ADGB: variants seen among roughly 807,000 people sequenced by gnomAD.
ADGB encodes the protein androglobin.
A neutral mutation model predicts 210.5 loss-of-function variants in ADGB; 172 were observed. That is an observed-to-expected ratio of 0.82 (90% CI 0.72 to 0.93). The LOEUF is 0.93. Ranked by LOEUF, ADGB falls within the 40% of genes least tolerant of loss-of-function variation. ADGB has a pLI of 0.00. For missense variants in ADGB, 2,025 were observed against 1,964.8 expected, an observed-to-expected ratio of 1.03 and a Z score of -0.58; for synonymous variants, 658 against 662.7, an observed-to-expected ratio of 0.99 and a Z score of 0.11.
At chr6:146,635,908 G>A (rs1026589250) in intron 2 of ADGB, among the ~76,000 whole-genome samples, 7 of 152,072 alleles carry the variant, frequency 4.6e-5, no homozygotes, top group East Asian at 3.9e-4. Context: ...AGCTGTGACC[G>A]GGAGATAATA....
chr6:146,616,857 C>G (rs1780808202), intron 1 of ADGB, among the ~76,000 whole-genome samples: 1 of 151,950 alleles, frequency 6.6e-6, no homozygotes, highest in African/African-American at 2.4e-5. Flanking sequence ...CTTTTGTAAT[C>G]TATTTTGAAG....
In ADGB at chr6:146,717,616, CT is replaced by C. The variant is rs1474665528; in HGVS notation, c.1992+21del. The C allele has an allele frequency of 6.1e-6, 8 of 1,309,514 alleles. No homozygotes were observed. Among genetic ancestry groups the C allele is most frequent in the Admixed American group, 2.8e-5 (1 of 36,228 alleles). 81.1% of individuals were successfully genotyped at this position (1,309,514 alleles called of 1,614,324 possible). A position where few individuals can be genotyped will look rare whatever the true frequency, so the allele number is the denominator to read the frequency against. On this transcript the variant is annotated intron_variant, in intron 16 of 35. Coordinates refer to ENST00000397944, the MANE Select transcript of ADGB (RefSeq NM_024694.4). ...GAATTTAAGGTAAGTATGTTAGAAT[CT>C]TTTCTATTCTCTTTAAATTTTTGGT...
At chr6:146,777,031 T>C (rs1352205844) in intron 29 of ADGB, among the ~76,000 whole-genome samples, 1 of 151,934 alleles carries the variant, frequency 6.6e-6, no homozygotes, top group East Asian at 1.9e-4. Context: ...TCCACTCCTA[T>C]AGAGCGCTCA....
chr6:146,768,276 A>G (rs1412173399), intron 28 of ADGB, among the ~76,000 whole-genome samples: 3 of 152,242 alleles, frequency 2.0e-5, no homozygotes, highest in African/African-American at 7.2e-5. Context: ...AATGAATAGC[A>G]ATTCACAAAT....
chr6:146,695,746 C>T (rs1776392985), intron 12 of ADGB, among the ~76,000 whole-genome samples: 1 of 151,848 alleles, frequency 6.6e-6, no homozygotes, highest in Non-Finnish European at 1.5e-5. Context: ...GAACAAGTGA[C>T]CTGTCCATAA....
intron 3 of ADGB, among the ~76,000 whole-genome samples, chr6:146,645,223 C>T (rs1775590574): frequency 6.6e-6 from 1 of 151,986 alleles, no homozygotes; most frequent in Non-Finnish European, 1.5e-5. Context: ...TCTGTTTTCT[C>T]TGGTGCTTAT....
intron 1 of ADGB, among the ~76,000 whole-genome samples, chr6:146,633,917 A>G (rs1781100406): frequency 6.6e-6 from 1 of 152,070 alleles, no homozygotes; most frequent in African/African-American, 2.4e-5. Context: ...TAAGTGTACA[A>G]TATTTATAAG....
intron 9 of ADGB, among the ~76,000 whole-genome samples, chr6:146,680,445 A>G (rs1002606462): frequency 1.3e-5 from 2 of 152,196 alleles, no homozygotes; most frequent in Non-Finnish European, 2.9e-5. Context: ...TATAGCAGCT[A>G]CAATTACCTC....
Position 146,736,603 on chromosome 6 carries a change from A to G in ADGB, c.2888+12A>G. On this transcript the variant is annotated intron_variant, in intron 23 of 35. Coordinates refer to ENST00000397944, the MANE Select transcript of ADGB (RefSeq NM_024694.4). ...GTTTCTCTCTTAAGGTAAAGCAGTC[A>G]AATGATATTTTTATTGCAGTATATT... 1 of 1,516,408 alleles carries G rather than the reference A, an allele frequency of 6.6e-7. No individual in the cohort carries two copies. Among genetic ancestry groups the G allele is most frequent in the Non-Finnish European group, 8.9e-7 (1 of 1,125,004 alleles). The allele number at this position is 1,516,408 out of a possible 1,614,324, so 93.9% of individuals were successfully genotyped here.
At chr6:146,677,017 G>A (rs1444916397) in intron 9 of ADGB, among the ~76,000 whole-genome samples, 3 of 152,136 alleles carry the variant, frequency 2.0e-5, no homozygotes, top group Non-Finnish European at 4.4e-5. Flanking sequence ...TTGTGAAAAT[G>A]CTAGGGTTTC....
chr6:146,643,528 T>C (rs1775550181), intron 2 of ADGB, among the ~76,000 whole-genome samples: 1 of 151,400 alleles, frequency 6.6e-6, no homozygotes, highest in Non-Finnish European at 1.5e-5. Context: ...TTAGAACTCT[T>C]ACATAGTACT....
At chr6:146,756,313 C>T (rs1010514437) in intron 27 of ADGB, among the ~76,000 whole-genome samples, 2 of 152,082 alleles carry the variant, frequency 1.3e-5, no homozygotes, top group African/African-American at 4.8e-5. Context: ...GCAAGATAGA[C>T]CTTGCCACGT....
At chr6:146,668,797 T>C (rs2114899004) in intron 7 of ADGB, among the ~76,000 whole-genome samples, 1 of 152,044 alleles carries the variant, frequency 6.6e-6, no homozygotes, top group Middle Eastern at 3.4e-3. Flanking sequence ...CCTCGGAAAA[T>C]CAAAACAGAG....
At chr6:146,712,109 C>A (rs1042764566) in intron 13 of ADGB, among the ~76,000 whole-genome samples, 1 of 150,912 alleles carries the variant, frequency 6.6e-6, no homozygotes, top group Non-Finnish European at 1.5e-5. Context: ...TTATATGTGA[C>A]TCTTTTAGGA....
intron 22 of ADGB, among the ~76,000 whole-genome samples, chr6:146,735,973 T>G (rs1281793660): frequency 2.0e-5 from 3 of 152,210 alleles, no homozygotes; most frequent in Non-Finnish European, 4.4e-5. Flanking sequence ...GTAAATACTA[T>G]GAAGAAATTA....
At chr6:146,636,613 T>TGTGTGG (rs1387282649) in intron 2 of ADGB, among the ~76,000 whole-genome samples, 1 of 151,390 alleles carries the variant, frequency 6.6e-6, no homozygotes, top group African/African-American at 2.4e-5. Flanking sequence ...AGAGTGTGAG[T>TGTGTGG]GTGTGGGTGT....
At chr6:146,617,031 C>A (rs886188698) in intron 1 of ADGB, among the ~76,000 whole-genome samples, 1 of 151,904 alleles carries the variant, frequency 6.6e-6, no homozygotes, top group Non-Finnish European at 1.5e-5. Flanking sequence ...TAGATCACTG[C>A]GCCTAGTATA....
intron 13 of ADGB, 36 bp downstream of exon 13, chr6:146,701,106 A>G (rs768322684): frequency 7.2e-5 from 111 of 1,543,988 alleles, no homozygotes; most frequent in South Asian, 1.2e-5. Flanking sequence ...CCCAACTCTT[A>G]ATGAGACAAG....
intron 10 of ADGB, among the ~76,000 whole-genome samples, chr6:146,686,497 A>G (rs1294009262): frequency 6.6e-6 from 1 of 152,084 alleles, no homozygotes; most frequent in African/African-American, 2.4e-5. Context: ...TTTATGTTAC[A>G]TTTGAAAACC....
Sources: gnomAD v4.1 joint callset for allele counts (sites outside exome capture counted in the v4.1 genomes callset) on GRCh38, gnomAD v4.1.1 for gene constraint, MANE v1.5 for transcripts, NCBI Gene and HGNC (gene_info 2026-07-23, HGNC 2026-07-21) for gene names.